NFATC2: variants seen among roughly 807,000 people sequenced by gnomAD.
The protein encoded by NFATC2 is nuclear factor of activated T cells 2, also known as nuclear factor of activated T-cells, cytoplasmic 2.
In NFATC2, 22 loss-of-function variants were observed where a neutral mutation model predicts 87.3. The observed-to-expected ratio is 0.25, with a 90% confidence interval of 0.18 to 0.36. The LOEUF is 0.36. Among genes scored for constraint, NFATC2 ranks in the 10% least tolerant of loss-of-function variants. NFATC2 has a pLI of 1.00. For synonymous variants in NFATC2, 565 were observed against 542.2 expected, an observed-to-expected ratio of 1.04 and a Z score of -0.58; for missense variants, 1,149 against 1,259.1, an observed-to-expected ratio of 0.91 and a Z score of 1.32.
chr20:51,542,679 A>G lies in NFATC2; in HGVS notation c.-180T>C. The G allele has an allele frequency of 9.5e-7, 1 of 1,057,592 alleles. No homozygotes were observed. Among genetic ancestry groups the G allele is most frequent in the South Asian group, 4.5e-5 (1 of 22,120 alleles). 65.5% of individuals were successfully genotyped at this position (1,057,592 alleles called of 1,614,324 possible). Reference sequence around the variant, plus strand: ...CAGCGGGTCCTGGACGCGCCCGGGGAAGCTGAGCGGCGGCGGCGACGGCGG... The same window carrying G: ...CAGCGGGTCCTGGACGCGCCCGGGGGAGCTGAGCGGCGGCGGCGACGGCGG... On this transcript the variant is annotated 5_prime_UTR_variant, in exon 1 of 11. Transcript: ENST00000371564.
chr20:51,507,468 T>C (rs1050879454), intron 3 of NFATC2, among the ~76,000 whole-genome samples: 3 of 152,234 alleles, frequency 2.0e-5, no homozygotes, highest in African/African-American at 7.2e-5. Context: ...GATCTATGTC[T>C]AGATGGCCTT....
In NFATC2 at chr20:51,562,443, C is replaced by T; in HGVS notation, c.70+117G>A. The T allele has an allele frequency of 1.1e-6, 1 of 939,492 alleles. No homozygotes were observed. The highest frequency in any genetic ancestry group is 1.8e-5 in the South Asian group (1 of 55,990). The allele number at this position is 939,492 out of a possible 1,614,324, so 58.2% of individuals were successfully genotyped here. ...TGTGCGCCGAGGGCGAGCGGGGTCC[C>T]CAGGCCTCCCGCACCGACCTCTGCC... On this transcript the variant is annotated intron_variant, in intron 1 of 10. Coordinates refer to the NFATC2 transcript ENST00000414705. This position sits in a 1 kb window ranked among gnomAD's most constrained non-coding sequence, Gnocchi z 5.8.
intron 1 of NFATC2, among the ~76,000 whole-genome samples, chr20:51,525,283 C>T (rs1335481516): frequency 6.6e-6 from 1 of 152,108 alleles, no homozygotes; most frequent in Non-Finnish European, 1.5e-5. Flanking sequence ...ACCTAACTTC[C>T]TCTTTTAGCG....
rs745924362 is a variant in NFATC2 at position 51,542,404 on chromosome 20, G to A, written c.96C>T (p.Ile32=). Residue 32 remains isoleucine, a synonymous_variant, in exon 1 of 11, where the codon ATC becomes ATT. Coordinates refer to ENST00000371564, the MANE Select transcript of NFATC2 (RefSeq NM_012340.5). The part of the protein sequence containing the change: ...GSPQDELDFS[I]LFDYEYLNPN... ...GATTCAAATACTCATAGTCGAAGAG[G>A]ATGGAGAAGTCAAGCTCGTCTTGGG... is the stretch of plus-strand genomic sequence containing the variant. 4.4e-6 allele frequency: 7 copies of A among 1,605,974 alleles called. No individual in the cohort carries two copies. The African/African-American group carries it at 8.2e-5, about 19-fold the overall frequency.
intron 9 of NFATC2, among the ~76,000 whole-genome samples, chr20:51,415,245 CAAAAAA>C (rs33978165): frequency 0.011 from 1,512 of 136,588 alleles, 16 homozygotes; most frequent in Non-Finnish European, 0.017. Context: ...GACCCTGTAT[CAAAAAA>C]AAAAAAAAAA....
At chr20:51,552,820 T>G (rs568008435) in intron 1 of NFATC2, among the ~76,000 whole-genome samples, 2 of 152,200 alleles carry the variant, frequency 1.3e-5, no homozygotes, top group South Asian at 4.2e-4. Flanking sequence ...TTTTTTTAAT[T>G]ATATATTAAG....
chr20:51,562,764 G>GA, upstream of NFATC2: 1 of 763,754 alleles, frequency 1.3e-6, no homozygotes, highest in Admixed American at 2.7e-5. The surrounding 1 kb of genome is among the most constrained non-coding windows in gnomAD (Gnocchi z 5.8). Flanking sequence ...AGCGACCCGG[G>GA]AGCTGCGCGC....
chr20:51,429,785 A>G (rs1025479272), intron 9 of NFATC2, among the ~76,000 whole-genome samples: 5 of 152,212 alleles, frequency 3.3e-5, no homozygotes, highest in Non-Finnish European at 1.5e-5. Flanking sequence ...TTTTAAAGCC[A>G]TGGAACCCTC....
At position 51,391,462 on chromosome 20, in the gene NFATC2, A is replaced by G; in HGVS notation, c.*45-11T>C. On this transcript the variant is annotated splice_polypyrimidine_tract_variant and intron_variant, in intron 10 of 10. Transcript: ENST00000371564. ...TGATAATTTCATTAACTACAAAAGA[A>G]AAGAGGAGGGGGGGGGAGAGAGAAT... 7.5e-7 allele frequency: 1 copy of G among 1,338,558 alleles called. No homozygotes were observed. Among genetic ancestry groups the G allele is most frequent in the Non-Finnish European group, 1.0e-6 (1 of 992,348 alleles). 82.9% of individuals were successfully genotyped at this position (1,338,558 alleles called of 1,614,324 possible).
intron 3 of NFATC2, among the ~76,000 whole-genome samples, chr20:51,498,816 G>A (rs953748233): frequency 6.6e-6 from 1 of 152,192 alleles, no homozygotes; most frequent in Non-Finnish European, 1.5e-5. Flanking sequence ...AAAGACAGAT[G>A]ATGGCAGGAG....
intron 10 of NFATC2, among the ~76,000 whole-genome samples, chr20:51,396,095 A>AT (rs1987093276): frequency 3.5e-5 from 4 of 115,608 alleles, no homozygotes; most frequent in East Asian, 2.4e-4. Context: ...TATATATATA[A>AT]GCTAATGGCA....
rs117493960 is a variant in NFATC2, at chr20:51,531,616, T to C, written c.131-7506A>G. ...CTCCAGATCCACTCCCACCCCCGGCTGTGAGACTTGGGGAAACTCCATGTC... is the reference window on the plus strand; with the variant it reads ...CTCCAGATCCACTCCCACCCCCGGCCGTGAGACTTGGGGAAACTCCATGTC... On this transcript the variant is annotated intron_variant, in intron 1 of 10. Coordinates refer to ENST00000371564, the MANE Select transcript of NFATC2 (RefSeq NM_012340.5). 8.4e-3 allele frequency among the ~76,000 whole-genome samples: 1,278 copies of C among 152,278 alleles called. 12 individuals are homozygous for C. Among genetic ancestry groups the C allele is most frequent in the Non-Finnish European group, 9.8e-3 (668 of 68,026 alleles).
chr20:51,403,184 T>A (rs1204539772), intron 9 of NFATC2, among the ~76,000 whole-genome samples: 1 of 152,202 alleles, frequency 6.6e-6, no homozygotes, highest in Non-Finnish European at 1.5e-5. Flanking sequence ...GGATTTCCCA[T>A]AAGAGATGTC....
chr20:51,500,250 A>G (rs765422175), intron 3 of NFATC2, among the ~76,000 whole-genome samples: 4 of 152,152 alleles, frequency 2.6e-5, no homozygotes, highest in Non-Finnish European at 5.9e-5. Context: ...CAGTCATCCA[A>G]CTAGATGATT....
intron 1 of NFATC2, among the ~76,000 whole-genome samples, chr20:51,548,672 CA>C (rs1784497569): frequency 6.6e-6 from 1 of 152,172 alleles, no homozygotes; most frequent in Non-Finnish European, 1.5e-5. Context: ...CTGGCAACCC[CA>C]GCTGTATCCC....
intron 3 of NFATC2, among the ~76,000 whole-genome samples, chr20:51,509,380 C>T (rs1226635363): frequency 6.6e-6 from 1 of 152,098 alleles, no homozygotes; most frequent in East Asian, 1.9e-4. Flanking sequence ...TGCCATATTC[C>T]CAGTGCCAAG....
intron 2 of NFATC2, among the ~76,000 whole-genome samples, chr20:51,519,858 G>A (rs971426247): frequency 2.6e-5 from 4 of 151,178 alleles, no homozygotes; most frequent in Non-Finnish European, 4.4e-5. Flanking sequence ...AGAGGTTGCA[G>A]TGAGCTGAGA....
rs201971596 is a variant in NFATC2 at position 51,523,647 on chromosome 20, G to A, written c.594C>T (p.Pro198=). The change falls in exon 2 of 11, where the codon CCC becomes CCT. Residue 198 remains proline (P), a synonymous_variant. Coordinates refer to ENST00000371564, the MANE Select transcript of NFATC2 (RefSeq NM_012340.5). This position sits in a 1 kb window ranked among gnomAD's most constrained non-coding sequence, Gnocchi z 6.9. ...SPCVSPNNGG[P]DDLCPQFQNI... ...TTTGAAACTGCGGACACAGGTCGTC[G>A]GGCCCGCCGTTATTGGGCGAGACGC... 1 of 1,613,768 alleles carries A rather than the reference G, an allele frequency of 6.2e-7. No individual in the cohort carries two copies. Among genetic ancestry groups the A allele is most frequent in the Non-Finnish European group, 8.5e-7 (1 of 1,179,824 alleles).
chr20:51,552,423 G>C (rs1432800083), intron 1 of NFATC2, among the ~76,000 whole-genome samples: 1 of 152,118 alleles, frequency 6.6e-6, no homozygotes, highest in African/African-American at 2.4e-5. Flanking sequence ...CATTTTTAGG[G>C]ATGAGCTCCT....
Sources: gnomAD v4.1 joint callset for allele counts (sites outside exome capture counted in the v4.1 genomes callset) on GRCh38, gnomAD v4.1.1 for gene constraint, Gnocchi (gnomAD v3.1) non-coding constraint, MANE v1.5 for transcripts, NCBI Gene and HGNC (gene_info 2026-07-23, HGNC 2026-07-21) for gene names.